Variants in KDSR observed in about 807,000 individuals in gnomAD.
KDSR encodes 3-dehydrosphinganine reductase.
Under a neutral mutation model 41.3 loss-of-function variants are expected in KDSR, and 23 were observed. The ratio of observed to expected loss-of-function variants is 0.56; its 90% CI spans 0.40 to 0.79. KDSR has a LOEUF of 0.79. Among genes scored for constraint, KDSR ranks in the 30% least tolerant of loss-of-function variants. The probability of loss-of-function intolerance (pLI) is 0.00; values close to 1 mark genes in which losing one functional copy is unlikely to be tolerated. For missense variants in KDSR, 351 were observed against 416.8 expected (o/e 0.84, Z 1.37); for synonymous variants, 138 against 151.7 (o/e 0.91, Z 0.66).
At chr18:63,331,945 G>T in intron 9 of KDSR, 44 bp from the exon 10 acceptor site, 1 of 1,599,086 alleles carries the variant, frequency 6.3e-7, no homozygotes, top group South Asian at 1.1e-5. Flanking sequence ...AACGGTACAA[G>T]ACTATTTCAA....
chr18:63,350,866 C>T (rs1171943936), intron 6 of KDSR, 22 bp downstream of exon 6: 1 of 1,571,770 alleles, frequency 6.4e-7, no homozygotes, highest in African/African-American at 1.4e-5. Context: ...GGAATAAATA[C>T]AAAAATGAAT....
At chr18:63,353,926 G>A (rs1425697912) in intron 5 of KDSR, among the ~76,000 whole-genome samples, 2 of 151,984 alleles carry the variant, frequency 1.3e-5, no homozygotes, top group African/African-American at 2.4e-5. Context: ...TGAATATGCT[G>A]AATCCCTCTG....
chr18:63,338,741 C>A (rs774470146), intron 8 of KDSR, 59 bp downstream of exon 8: 4 of 1,121,172 alleles, frequency 3.6e-6, no homozygotes, highest in Non-Finnish European at 5.3e-6. Context: ...GGACAAATAT[C>A]TTTTCAGAAA....
chr18:63,356,136 G>A (rs1329362139), intron 3 of KDSR, among the ~76,000 whole-genome samples: 2 of 152,130 alleles, frequency 1.3e-5, no homozygotes, highest in Non-Finnish European at 1.5e-5. Flanking sequence ...GGTGGCTCAC[G>A]CCTATAATCC....
chr18:63,346,703 C>T (rs1429747761), intron 6 of KDSR: 1 of 152,202 alleles, frequency 6.6e-6, no homozygotes, highest in Non-Finnish European at 1.5e-5. Context: ...AACCAAATGA[C>T]TCTCCCAGTC....
chr18:63,344,178 A>G (rs903347856), intron 7 of KDSR, among the ~76,000 whole-genome samples: 18 of 152,146 alleles, frequency 1.2e-4, no homozygotes, highest in African/African-American at 4.3e-4. Context: ...CCCTGTCTCT[A>G]TAGAGAAAAA....
At chr18:63,364,519 C>A (rs776028896) in intron 1 of KDSR, among the ~76,000 whole-genome samples, 80 of 152,140 alleles carry the variant, frequency 5.3e-4, no homozygotes, top group East Asian at 5.8e-4. Flanking sequence ...TCTCAGCTCA[C>A]TGCAACCTCC....
rs11349419 is a variant in KDSR, at chr18:63,328,355, CTTT to C, written c.*3424_*3426del. The C allele has an allele frequency of 5.6e-4, 77 of 138,546 alleles. No homozygotes were observed. Among genetic ancestry groups the C allele is most frequent in the East Asian group, 1.3e-3 (8 of 6,054 alleles). The allele number at this position is 138,546 out of a possible 1,614,324, so 8.6% of individuals were successfully genotyped here. A position where few individuals can be genotyped will look rare whatever the true frequency, so the allele number is the denominator to read the frequency against. On this transcript the variant is annotated 3_prime_UTR_variant, in exon 10 of 10. Coordinates refer to ENST00000645214, the MANE Select transcript of KDSR (RefSeq NM_002035.4). ...ACAGATCCAGATAAAGATTTTTTTT[CTTT>C]TTTTTTTTTTTTGAGACAGAGTCTC...
Position 63,351,077 on chromosome 18 carries a change from C to T in KDSR, c.420G>A (p.Arg140=), listed in dbSNP as rs1255807889. 6.2e-7 allele frequency: 1 copy of T among 1,611,786 alleles called. No homozygotes were observed. The highest frequency in any genetic ancestry group is 2.2e-5 in the East Asian group (1 of 44,824). ...TGCCCAGGTAATTGATGCTCATTAACCTCTGCAGGGAACAAAGAGGCCACA... is the reference window on the plus strand; with the variant it reads ...TGCCCAGGTAATTGATGCTCATTAATCTCTGCAGGGAACAAAGAGGCCACA... ...FEDLEVSTFE[R]LMSINYLGSV... The change falls in exon 6 of 10, where the codon AGG becomes AGA. Residue 140 remains arginine (R), a splice_region_variant and synonymous_variant. Transcript: ENST00000645214.
At chr18:63,364,280 T>C (rs986081288) in intron 1 of KDSR, among the ~76,000 whole-genome samples, 2 of 152,086 alleles carry the variant, frequency 1.3e-5, no homozygotes, top group African/African-American at 4.8e-5. Context: ...CTAGATTTAT[T>C]TGTGTGATTA....
chr18:63,348,676 C>G (rs1914584107), intron 6 of KDSR, among the ~76,000 whole-genome samples: 2 of 152,112 alleles, frequency 1.3e-5, no homozygotes, highest in African/African-American at 4.8e-5. Flanking sequence ...GGTTGGGGGG[C>G]TCTGTCTGTA....
intron 8 of KDSR, 34 bp from the exon 9 acceptor site, chr18:63,335,392 T>A (rs753463390): frequency 4.8e-5 from 60 of 1,248,884 alleles, no homozygotes; most frequent in Non-Finnish European, 6.7e-5. Context: ...AAAGAGGGAA[T>A]CCTAGTAATG....
At position 63,338,816 on chromosome 18, in the gene KDSR, ATTTG is replaced by A. The variant is rs764767580; in HGVS notation, c.757_760del (p.Gln253LeufsTer24). The stretch of plus-strand genomic sequence containing the variant: ...TTTACTTACTATGGCATCTTTAACA[ATTTG>A]TTTGGCCACCTGTTCTGGTTTGCAC... On this transcript the variant is annotated frameshift_variant, in exon 8 of 10. Coordinates refer to ENST00000645214, the MANE Select transcript of KDSR (RefSeq NM_002035.4). LOFTEE classifies it high-confidence loss of function. The A allele has an allele frequency of 8.1e-6, 13 of 1,607,822 alleles. No individual in the cohort carries two copies. Among genetic ancestry groups the A allele is most frequent in the East Asian group, 4.5e-5 (2 of 44,842 alleles).
At chr18:63,332,281 T>G (rs1914026223) in intron 9 of KDSR, among the ~76,000 whole-genome samples, 1 of 152,220 alleles carries the variant, frequency 6.6e-6, no homozygotes, top group Non-Finnish European at 1.5e-5. Flanking sequence ...GACCCTATAC[T>G]AGGTGCTGTG....
chr18:63,349,468 G>C (rs1365260383), intron 6 of KDSR, among the ~76,000 whole-genome samples: 1 of 152,254 alleles, frequency 6.6e-6, no homozygotes, highest in East Asian at 1.9e-4. Flanking sequence ...AGAAACACCA[G>C]TATTCTTGTT....
chr18:63,363,295 T>C (rs1915046813), intron 1 of KDSR, among the ~76,000 whole-genome samples: 2 of 143,980 alleles, frequency 1.4e-5, no homozygotes, highest in Non-Finnish European at 3.0e-5. Context: ...TATGTATACA[T>C]GTGCCATGCT....
intron 7 of KDSR, among the ~76,000 whole-genome samples, chr18:63,339,121 C>T (rs908883241): frequency 4.6e-5 from 7 of 152,244 alleles, no homozygotes; most frequent in Non-Finnish European, 8.8e-5. Flanking sequence ...TTAGAACATA[C>T]GGAGTCTTGG....
In KDSR at chr18:63,327,942, C is replaced by G. The variant is rs1251443825; in HGVS notation, c.*3840G>C. 1 of 203,504 alleles carries G rather than the reference C, an allele frequency of 4.9e-6. No individual in the cohort carries two copies. The highest frequency in any genetic ancestry group is 7.5e-5 in the East Asian group (1 of 13,328). The allele number at this position is 203,504 out of a possible 1,614,324, so 12.6% of individuals were successfully genotyped here. ...AATATAATAGCTACTATCTCCCCTTCAAAATTGCAAATCCACAGTTACTGC... is the reference window on the plus strand; with the variant it reads ...AATATAATAGCTACTATCTCCCCTTGAAAATTGCAAATCCACAGTTACTGC... On this transcript the variant is annotated 3_prime_UTR_variant, in exon 10 of 10. Transcript: ENST00000645214.
chr18:63,362,899 C>T lies in KDSR; in HGVS notation c.109-31G>A, dbSNP rs750679876. On this transcript the variant is annotated intron_variant, in intron 1 of 9. Transcript: ENST00000645214. The stretch of plus-strand genomic sequence containing the variant: ...ACAAAATCATAAAATATTCTTAGCA[C>T]TTGAAATCTCCCCTCTGTAGGAAGT... 5 of 1,441,122 alleles carry T rather than the reference C, an allele frequency of 3.5e-6. No homozygotes were observed. The African/African-American group carries it at 7.0e-5, about 20-fold the overall frequency. The allele number at this position is 1,441,122 out of a possible 1,614,324, so 89.3% of individuals were successfully genotyped here. A position where few individuals can be genotyped will look rare whatever the true frequency, so the allele number is the denominator to read the frequency against.
Sources: gnomAD v4.1 joint callset for allele counts (sites outside exome capture counted in the v4.1 genomes callset) on GRCh38, gnomAD v4.1.1 for gene constraint, MANE v1.5 for transcripts, NCBI Gene and HGNC (gene_info 2026-07-23, HGNC 2026-07-21) for gene names.